GRM8: variants seen among roughly 807,000 people sequenced by gnomAD.
GRM8 encodes metabotropic glutamate receptor 8.
GRM8 carries 47 observed loss-of-function variants against 87.2 expected under a neutral mutation model. The ratio of observed to expected loss-of-function variants is 0.54; its 90% CI spans 0.43 to 0.69. GRM8 has a LOEUF of 0.69. Ranked by LOEUF, GRM8 falls within the 30% of genes least tolerant of loss-of-function variation. The pLI is 0.00. For synonymous variants in GRM8, 396 were observed against 404.5 expected (o/e 0.98, Z 0.25); for missense variants, 1,019 against 1,139.2 (o/e 0.89, Z 1.52).
intron 6 of GRM8, among the ~76,000 whole-genome samples, chr7:126,781,628 CAT>C (rs1426696364): frequency 1.1e-4 from 16 of 152,190 alleles, no homozygotes; most frequent in South Asian, 2.1e-4. Flanking sequence ...CACGGGAACA[CAT>C]GTTATAACAC....
chr7:126,520,428 T>C (rs1488835689), intron 9 of GRM8, among the ~76,000 whole-genome samples: 1 of 152,100 alleles, frequency 6.6e-6, no homozygotes, highest in Non-Finnish European at 1.5e-5. Context: ...TGGATTGTTT[T>C]AGTTCACATT....
At chr7:126,717,100 T>C (rs1261464399) in intron 7 of GRM8, among the ~76,000 whole-genome samples, 1 of 152,178 alleles carries the variant, frequency 6.6e-6, no homozygotes, top group Non-Finnish European at 1.5e-5. Context: ...ACCATCTTTG[T>C]GAGATTTGGG....
At chr7:126,478,488 G>A (rs1005172191) in intron 9 of GRM8, among the ~76,000 whole-genome samples, 10 of 151,788 alleles carry the variant, frequency 6.6e-5, no homozygotes, top group Non-Finnish European at 1.3e-4. Context: ...CTCATAATTA[G>A]AATAATTAAT....
chr7:126,998,715 A>T (rs1477468016), intron 3 of GRM8, among the ~76,000 whole-genome samples: 5 of 151,634 alleles, frequency 3.3e-5, no homozygotes, highest in African/African-American at 1.2e-4. Flanking sequence ...GAACTGAAAA[A>T]AACTCTACAA....
intron 10 of GRM8, among the ~76,000 whole-genome samples, chr7:126,441,817 G>A (rs985373144): frequency 2.6e-5 from 4 of 151,914 alleles, no homozygotes; most frequent in African/African-American, 7.2e-5. Flanking sequence ...TGCTACTATA[G>A]ATGTTTTTTT....
At chr7:126,631,370 A>G (rs1002611732) in intron 7 of GRM8, among the ~76,000 whole-genome samples, 10 of 152,198 alleles carry the variant, frequency 6.6e-5, no homozygotes, top group Admixed American at 5.2e-4. Context: ...CCACTGCCCA[A>G]AGAAATCAGA....
intron 2 of GRM8, among the ~76,000 whole-genome samples, chr7:127,124,051 T>C (rs1430851777): frequency 1.3e-5 from 2 of 152,282 alleles, no homozygotes; most frequent in Admixed American, 1.3e-4. Flanking sequence ...CTGGGTCCTT[T>C]CTACTGGCAT....
At chr7:126,716,919 T>G (rs1034645227) in intron 7 of GRM8, among the ~76,000 whole-genome samples, 4 of 151,982 alleles carry the variant, frequency 2.6e-5, no homozygotes, top group Non-Finnish European at 4.4e-5. Context: ...GGAGGAATAA[T>G]AAACATGTCA....
chr7:126,819,561 TATA>T (rs573605517), intron 6 of GRM8, among the ~76,000 whole-genome samples: 25 of 152,276 alleles, frequency 1.6e-4, no homozygotes, highest in African/African-American at 5.5e-4. Context: ...ATCAATGTAA[TATA>T]ATAAATATTC....
chr7:126,538,590 A>C (rs1816133332), intron 8 of GRM8, among the ~76,000 whole-genome samples: 1 of 152,046 alleles, frequency 6.6e-6, no homozygotes, highest in African/African-American at 2.4e-5. Flanking sequence ...CATTCTTAAC[A>C]CATTTCCTCT....
intron 3 of GRM8, among the ~76,000 whole-genome samples, chr7:126,945,241 G>A (rs1409972073): frequency 6.6e-6 from 1 of 151,976 alleles, no homozygotes; most frequent in African/African-American, 2.4e-5. Context: ...ATAAATACAT[G>A]GTGGTATATT....
In GRM8 at chr7:126,532,938, T is replaced by C; in HGVS notation, c.2430+14A>G. 6.5e-7 allele frequency: 1 copy of C among 1,533,724 alleles called. No homozygotes were observed. Reference sequence around the variant, plus strand: ...TCCAGGAAAAAGTTGTCAAGTGTATTTCCTTCTACTTACCTTTTCTGCTGA... The same window carrying C: ...TCCAGGAAAAAGTTGTCAAGTGTATCTCCTTCTACTTACCTTTTCTGCTGA... On this transcript the variant is annotated intron_variant, in intron 9 of 10. Transcript: ENST00000339582.
chr7:126,749,126 A>C (rs1816080695), intron 7 of GRM8, among the ~76,000 whole-genome samples: 1 of 151,978 alleles, frequency 6.6e-6, no homozygotes, highest in Non-Finnish European at 1.5e-5. Context: ...AAATGTTTAA[A>C]AATTAGCCAG....
intron 6 of GRM8, among the ~76,000 whole-genome samples, chr7:126,813,676 A>C (rs538816184): frequency 1.3e-5 from 2 of 152,070 alleles, no homozygotes; most frequent in East Asian, 3.9e-4. Flanking sequence ...AGAACCCTTA[A>C]CACCCTCAGA....
intron 3 of GRM8, among the ~76,000 whole-genome samples, chr7:127,036,202 C>T (rs1247516285): frequency 1.3e-5 from 2 of 152,028 alleles, no homozygotes; most frequent in African/African-American, 4.8e-5. Context: ...CTTATACCTA[C>T]ACCATATTAA....
intron 3 of GRM8, among the ~76,000 whole-genome samples, chr7:127,074,584 T>C (rs554075748): frequency 6.6e-6 from 1 of 152,286 alleles, no homozygotes; most frequent in Non-Finnish European, 1.5e-5. Context: ...TCATTTGAAA[T>C]GAGAAGATGA....
chr7:126,996,929 A>G (rs955418524), intron 3 of GRM8, among the ~76,000 whole-genome samples: 1 of 152,010 alleles, frequency 6.6e-6, no homozygotes, highest in Non-Finnish European at 1.5e-5. Flanking sequence ...AATCCAGACT[A>G]TAGAACAAAC....
intron 3 of GRM8, among the ~76,000 whole-genome samples, chr7:127,024,951 T>C (rs1816633671): frequency 1.3e-5 from 2 of 152,026 alleles, no homozygotes; most frequent in Non-Finnish European, 2.9e-5. Flanking sequence ...TATGTTTTTG[T>C]TGTTGTTTTT....
Position 126,759,963 on chromosome 7 carries a change from A to G in GRM8, c.1357+9902T>C, listed in dbSNP as rs192165608. On this transcript the variant is annotated intron_variant, in intron 7 of 10. Coordinates refer to ENST00000339582, the MANE Select transcript of GRM8 (RefSeq NM_000845.3). ...GTTGAATGTTGTAAAGCTAGATTCA[A>G]ACTGAGTATAAAATTTGTGTTTCTG... Among the ~76,000 whole-genome samples, 456 of 152,268 alleles carry G rather than the reference A, an allele frequency of 3.0e-3. 1 individual carries two copies. Among genetic ancestry groups the G allele is most frequent in the African/African-American group, 0.01 (429 of 41,556 alleles).
Sources: allele counts gnomAD v4.1 joint callset (sites outside exome capture counted in the v4.1 genomes callset), GRCh38; gene constraint gnomAD v4.1.1; transcripts MANE v1.5; gene names NCBI Gene and HGNC (gene_info 2026-07-23, HGNC 2026-07-21).